Variants in TMX4 observed in about 807,000 individuals in gnomAD.
The protein encoded by TMX4 is thioredoxin-related transmembrane protein 4.
A neutral mutation model predicts 33.3 loss-of-function variants in TMX4; 23 were observed. That is an observed-to-expected ratio of 0.69 (90% CI 0.50 to 0.98). TMX4 has a LOEUF of 0.98. Ranked by LOEUF, TMX4 falls within the 50% of genes least tolerant of loss-of-function variation. The pLI is 0.00. For synonymous variants in TMX4, 164 were observed against 161.5 expected (o/e 1.02, Z -0.12); for missense variants, 399 against 448.9 (o/e 0.89, Z 1.01).
At chr20:8,001,299 G>A (rs2050706438) in intron 3 of TMX4, among the ~76,000 whole-genome samples, 197 bp downstream of exon 3, 1 of 151,998 alleles carries the variant, frequency 6.6e-6, no homozygotes, top group Non-Finnish European at 1.5e-5. Context: ...GCCCACCTAC[G>A]CCTGACATTA....
chr20:8,017,071 T>A (rs187633434), intron 1 of TMX4, among the ~76,000 whole-genome samples: 84 of 152,248 alleles, frequency 5.5e-4, no homozygotes, highest in Middle Eastern at 3.4e-3. Flanking sequence ...ATGGAGGATA[T>A]AATGAATTTT....
intron 1 of TMX4, among the ~76,000 whole-genome samples, chr20:8,018,542 C>A: frequency 8.2e-6 from 1 of 122,256 alleles, no homozygotes; most frequent in Non-Finnish European, 1.6e-5. Context: ...GCAAGCCCAC[C>A]ATGATGGTCT....
chr20:7,988,795 C>T (rs1407648250), intron 5 of TMX4, among the ~76,000 whole-genome samples: 1 of 152,072 alleles, frequency 6.6e-6, no homozygotes, highest in East Asian at 1.9e-4. Flanking sequence ...GAGGCCGAGG[C>T]GGGCAGATCA....
At chr20:7,987,529 C>A in intron 5 of TMX4, 140 bp from the exon 6 acceptor site, 1 of 543,244 alleles carries the variant, frequency 1.8e-6, no homozygotes, top group Non-Finnish European at 3.1e-6. Context: ...AAGAACAAGT[C>A]AATTTTATAA....
intron 2 of TMX4, among the ~76,000 whole-genome samples, chr20:8,009,960 C>G (rs1042547608): frequency 4.1e-5 from 6 of 147,270 alleles, no homozygotes; most frequent in African/African-American, 1.5e-4. Flanking sequence ...CGATAACTTA[C>G]TTTCAAATGA....
At position 7,996,028 on chromosome 20, in the gene TMX4, A is replaced by G; in HGVS notation, c.511T>C (p.Trp171Arg). 1.9e-6 allele frequency: 3 copies of G among 1,608,586 alleles called. No homozygotes were observed. Among genetic ancestry groups the G allele is most frequent in the Non-Finnish European group, 2.5e-6 (3 of 1,177,158 alleles). Residue 171 changes from tryptophan (W) to arginine (R), a missense_variant and splice_region_variant, in exon 5 of 8, where the codon TGG becomes CGG. Trp to Arg is a moderately radical substitution (Grantham distance 101). Transcript: ENST00000246024. ...AGLFSISGKI[W>R]HLHNYFTVTL... is the part of the protein sequence containing the mutation. ...ACGTTTTATTTAAGATTACTTACCC[A>G]TATCTTGCCAGAGATGCTAAAAAGA...
At chr20:8,018,406 G>A (rs1322615289) in intron 1 of TMX4, among the ~76,000 whole-genome samples, 1 of 50,776 alleles carries the variant, frequency 2.0e-5, no homozygotes, top group Non-Finnish European at 3.5e-5. Context: ...GGGAGGGAGG[G>A]AGAGAGAGAG....
chr20:8,007,651 A>T (rs2050736376), intron 2 of TMX4, among the ~76,000 whole-genome samples: 1 of 152,016 alleles, frequency 6.6e-6, no homozygotes, highest in African/African-American at 2.4e-5. Flanking sequence ...TGGTGGTCCT[A>T]TTGTTCTCCA....
intron 1 of TMX4, among the ~76,000 whole-genome samples, chr20:8,015,397 G>T (rs1335582419): frequency 1.3e-5 from 2 of 152,160 alleles, no homozygotes; most frequent in South Asian, 2.1e-4. Flanking sequence ...TCTGCAACAC[G>T]TGGGCCATTC....
chr20:8,000,820 G>C (rs1020164125), intron 3 of TMX4, among the ~76,000 whole-genome samples: 1 of 152,122 alleles, frequency 6.6e-6, no homozygotes, highest in Non-Finnish European at 1.5e-5. Flanking sequence ...TTTGGAACTG[G>C]GAAGGGCAAG....
chr20:8,003,057 T>C (rs187318692), intron 2 of TMX4, among the ~76,000 whole-genome samples: 1 of 152,264 alleles, frequency 6.6e-6, no homozygotes, highest in Non-Finnish European at 1.5e-5. Flanking sequence ...TTGCTCAGGA[T>C]TTCACCCTGG....
rs2050601000 is a variant in TMX4 at position 7,980,591 on chromosome 20, A to C, written c.*1660T>G. ...GCCCATCAGCCCAGTGATGGCCTCG[A>C]TTTTGAAGCTGCACTACTGTCTGAA... On this transcript the variant is annotated 3_prime_UTR_variant, in exon 8 of 8. Transcript: ENST00000246024. 6.6e-6 allele frequency: 1 copy of C among 152,316 alleles called. No homozygotes were observed. Among genetic ancestry groups the C allele is most frequent in the Non-Finnish European group, 1.5e-5 (1 of 68,114 alleles). The allele number at this position is 152,316 out of a possible 1,614,324, so 9.4% of individuals were successfully genotyped here.
intron 3 of TMX4, among the ~76,000 whole-genome samples, chr20:8,000,605 AC>A (rs1391039157): frequency 6.6e-6 from 1 of 151,296 alleles, no homozygotes; most frequent in Non-Finnish European, 1.5e-5. Flanking sequence ...CATTTCCTTC[AC>A]TCACTGTCTT....
In TMX4 at chr20:7,981,272, C is replaced by T. The variant is rs1382756539; in HGVS notation, c.*979G>A. ...TAGTTATTATTAAAGTAGTTCAAGACCCAGGGAACCCCTTGAGATGAAAAC... is the reference window on the plus strand; with the variant it reads ...TAGTTATTATTAAAGTAGTTCAAGATCCAGGGAACCCCTTGAGATGAAAAC... On this transcript the variant is annotated 3_prime_UTR_variant, in exon 8 of 8. Coordinates refer to ENST00000246024, the MANE Select transcript of TMX4 (RefSeq NM_021156.4). The T allele has an allele frequency of 6.6e-6, 1 of 152,106 alleles. No homozygotes were observed. Among genetic ancestry groups the T allele is most frequent in the Non-Finnish European group, 1.5e-5 (1 of 68,034 alleles). 9.4% of individuals were successfully genotyped at this position (152,106 alleles called of 1,614,324 possible). A position where few individuals can be genotyped will look rare whatever the true frequency, so the allele number is the denominator to read the frequency against.
chr20:8,019,367 G>A, intron 1 of TMX4, 71 bp downstream of exon 1: 2 of 1,465,412 alleles, frequency 1.4e-6, no homozygotes, highest in Non-Finnish European at 9.1e-7. Flanking sequence ...GATCGCCACC[G>A]GGCCGCGCGG....
At chr20:8,001,943 T>C (rs1389242627) in intron 2 of TMX4, among the ~76,000 whole-genome samples, 3 of 152,154 alleles carry the variant, frequency 2.0e-5, no homozygotes, top group Non-Finnish European at 4.4e-5. Context: ...GGGCAAGTGT[T>C]ATTAGGCTTA....
chr20:8,011,746 C>T (rs2050754045), intron 1 of TMX4, among the ~76,000 whole-genome samples: 1 of 152,220 alleles, frequency 6.6e-6, no homozygotes, highest in South Asian at 2.1e-4. Context: ...TTAGCAAGCA[C>T]AGTTGTTCAC....
In TMX4 at chr20:7,979,129, C is replaced by T. The variant is rs981207133; in HGVS notation, c.*3122G>A. The T allele has an allele frequency of 2.0e-5, 3 of 150,500 alleles. No individual in the cohort carries two copies. The South Asian group carries it at 6.3e-4, about 31-fold the overall frequency. 9.3% of individuals were successfully genotyped at this position (150,500 alleles called of 1,614,324 possible). A position where few individuals can be genotyped will look rare whatever the true frequency, so the allele number is the denominator to read the frequency against. ...AATCATGTTTCCATGCACTTGAGTT[C>T]CGGATCAAATATATTATCTACAGAA... On this transcript the variant is annotated 3_prime_UTR_variant, in exon 8 of 8. Transcript: ENST00000246024.
At chr20:7,987,467 G>A in intron 5 of TMX4, 78 bp from the exon 6 acceptor site, 1 of 996,968 alleles carries the variant, frequency 1.0e-6, no homozygotes, top group Non-Finnish European at 1.4e-6. Context: ...TCTAGCTGTT[G>A]TTTCTACATA....
Sources: allele counts gnomAD v4.1 joint callset (sites outside exome capture counted in the v4.1 genomes callset), GRCh38; gene constraint gnomAD v4.1.1; transcripts MANE v1.5; gene names NCBI Gene and HGNC (gene_info 2026-07-23, HGNC 2026-07-21).